The following BLTP2 variants were observed in gnomAD, a reference collection of about 807,000 sequenced individuals.
The protein encoded by BLTP2 is U937-associated antigen.
At chr17:28,627,924 G>A in the BLTP2 span, among the ~76,000 whole-genome samples, 1 of 152,158 alleles carries the variant, frequency 6.6e-6, no homozygotes, top group Non-Finnish European at 1.5e-5. Context: ...GCCTCCAAAA[G>A]TGCTGGAATT....
the BLTP2 span, chr17:28,638,214 A>G: frequency 3.7e-6 from 6 of 1,602,676 alleles, no homozygotes. Flanking sequence ...GGATGAGGAA[A>G]GCTGTGCAGG....
chr17:28,633,871 A>T, the BLTP2 span: 1 of 1,611,794 alleles, frequency 6.2e-7, no homozygotes. Flanking sequence ...CCTCAGCCAA[A>T]CCAACTGCCT....
At chr17:28,627,326 T>C in the BLTP2 span, among the ~76,000 whole-genome samples, 2 of 152,104 alleles carry the variant, frequency 1.3e-5, no homozygotes, top group Admixed American at 1.3e-4. Flanking sequence ...ATACTAGGCT[T>C]TCAAGGCCTG....
At chr17:28,635,818 C>A in the BLTP2 span, 1 of 519,236 alleles carries the variant, frequency 1.9e-6, no homozygotes, top group Middle Eastern at 5.1e-4. Flanking sequence ...TTTAAGAGCA[C>A]TTATACTTTT....
At chr17:28,617,180 G>T in the BLTP2 span, 2 of 1,455,570 alleles carry the variant, frequency 1.4e-6, no homozygotes, top group Non-Finnish European at 1.9e-6. Context: ...CGTTATAAAT[G>T]CCCCGTGCTA....
At chr17:28,616,801 T>A in the BLTP2 span, 2 of 1,612,532 alleles carry the variant, frequency 1.2e-6, no homozygotes, top group Non-Finnish European at 1.7e-6. This position sits in a 1 kb window ranked among gnomAD's most constrained non-coding sequence, Gnocchi z 4.8. Flanking sequence ...GATACCATCA[T>A]CAGTTTACCT....
the BLTP2 span, chr17:28,644,983 C>T: frequency 1.3e-6 from 2 of 1,573,804 alleles, no homozygotes; most frequent in East Asian, 2.4e-5. Context: ...GGCCGGGAAC[C>T]CTCACCGGCC....
chr17:28,635,391 G>C, the BLTP2 span: 83 of 1,614,076 alleles, frequency 5.1e-5, no homozygotes, highest in Non-Finnish European at 6.9e-5. Context: ...TCACCTCCAG[G>C]GTTAGGTTTA....
At chr17:28,641,072 C>T in the BLTP2 span, among the ~76,000 whole-genome samples, 2 of 152,194 alleles carry the variant, frequency 1.3e-5, no homozygotes, top group African/African-American at 4.8e-5. Flanking sequence ...CCTTTGGTAT[C>T]CTTGGAGCTT....
chr17:28,642,826 G>T, the BLTP2 span: 1 of 1,134,248 alleles, frequency 8.8e-7, no homozygotes, highest in Non-Finnish European at 1.3e-6. Context: ...GCAACTCTGA[G>T]GCAAGAATAG....
At chr17:28,622,000 A>G in the BLTP2 span, among the ~76,000 whole-genome samples, 1 of 152,274 alleles carries the variant, frequency 6.6e-6, no homozygotes, top group African/African-American at 2.4e-5. Context: ...GGTGGATCTG[A>G]CAAGTCTCAA....
At chr17:28,644,908 CCCT>C in the BLTP2 span, 2 of 1,274,662 alleles carry the variant, frequency 1.6e-6, no homozygotes, top group Non-Finnish European at 2.2e-6. Flanking sequence ...GGCGCGCGCC[CCCT>C]CCTCAGTCTT....
chr17:28,618,959 A>G, the BLTP2 span: 1 of 1,613,744 alleles, frequency 6.2e-7, no homozygotes, highest in East Asian at 2.2e-5. Flanking sequence ...GCAGTTGGAA[A>G]TCCTTAAAAC....
At chr17:28,625,704 T>C in the BLTP2 span, among the ~76,000 whole-genome samples, 8 of 152,312 alleles carry the variant, frequency 5.3e-5, no homozygotes, top group African/African-American at 1.9e-4. Flanking sequence ...CATATGCATC[T>C]TAATCTTTCC....
chr17:28,634,801 C>T, the BLTP2 span: 7 of 1,613,582 alleles, frequency 4.3e-6, no homozygotes, highest in African/African-American at 4.0e-5. Context: ...CTCAATTTTG[C>T]GGGCAGGCAA....
At chr17:28,637,041 G>A in the BLTP2 span, 1 of 1,614,186 alleles carries the variant, frequency 6.2e-7, no homozygotes, top group South Asian at 1.1e-5. Context: ...GATGTCAGGG[G>A]CCTTGCAACA....
the BLTP2 span, chr17:28,643,478 G>A: frequency 7.6e-7 from 1 of 1,322,696 alleles, no homozygotes; most frequent in Non-Finnish European, 1.1e-6. Flanking sequence ...TGGCACCCAG[G>A]CTAACAGGAA....
chr17:28,639,781 T>A, the BLTP2 span: 2 of 1,432,532 alleles, frequency 1.4e-6, no homozygotes, highest in Admixed American at 1.7e-5. Flanking sequence ...TCTCAGTATG[T>A]TCCCTCCTTC....
At chr17:28,616,032 G>A in the BLTP2 span, 10 of 1,338,726 alleles carry the variant, frequency 7.5e-6, no homozygotes, top group Non-Finnish European at 1.1e-5. The surrounding 1 kb of genome is among the most constrained non-coding windows in gnomAD (Gnocchi z 4.8). Context: ...TCCCTGTATA[G>A]AATCTCTGAT....
Sources: allele counts gnomAD v4.1 joint callset (sites outside exome capture counted in the v4.1 genomes callset), GRCh38; gene constraint gnomAD v4.1.1; non-coding constraint Gnocchi (gnomAD v3.1); transcripts MANE v1.5; gene names NCBI Gene and HGNC (gene_info 2026-07-23, HGNC 2026-07-21).